TBC1D15: variants seen among roughly 807,000 people sequenced by gnomAD.
TBC1D15 encodes the protein TBC1 domain family member 15, also known as GAP for RAB7.
In TBC1D15, 39 loss-of-function variants were observed where a neutral mutation model predicts 95.4. The ratio of observed to expected loss-of-function variants is 0.41; its 90% CI spans 0.32 to 0.53. The LOEUF is 0.53. TBC1D15 is among the 20% of genes least tolerant of loss of function. TBC1D15 has a pLI of 0.29. For missense variants in TBC1D15, 733 were observed against 794.3 expected, an observed-to-expected ratio of 0.92 and a Z score of 0.93; for synonymous variants, 258 against 261.3, an observed-to-expected ratio of 0.99 and a Z score of 0.12.
intron 13 of TBC1D15, 134 bp downstream of exon 13, chr12:71,917,931 G>A (rs1904092110): frequency 1.8e-6 from 1 of 563,506 alleles, no homozygotes; most frequent in Non-Finnish European, 3.1e-6. Flanking sequence ...GCCAAGGAGG[G>A]AGGATTACTT....
Position 71,863,290 on chromosome 12 carries a change from AT to A in TBC1D15, c.31-8779del, listed in dbSNP as rs1890775593. ...CTACTCAGGAGGCTGAGGCAGGAGA[AT>A]GGCATGAACCTGGGGGACGGAGCTT... On this transcript the variant is annotated intron_variant, in intron 1 of 16. Coordinates refer to ENST00000485960, the MANE Select transcript of TBC1D15 (RefSeq NM_001146213.3). Among the ~76,000 whole-genome samples, 4 of 152,230 alleles carry A rather than the reference AT, an allele frequency of 2.6e-5. No homozygotes were observed. In the South Asian group the frequency reaches 8.3e-4, roughly 32 times the overall value.
At chr12:71,845,519 T>C (rs1354788449) in intron 1 of TBC1D15, among the ~76,000 whole-genome samples, 1 of 152,166 alleles carries the variant, frequency 6.6e-6, no homozygotes, top group East Asian at 1.9e-4. Context: ...CAGGTTTAGA[T>C]AGAACACATG....
intron 1 of TBC1D15, among the ~76,000 whole-genome samples, chr12:71,869,777 A>G (rs1027823040): frequency 2.0e-5 from 3 of 152,122 alleles, no homozygotes; most frequent in African/African-American, 7.2e-5. Context: ...AGGTATGAGC[A>G]TCTGGTTCAC....
In TBC1D15 at chr12:71,923,213, C is replaced by T; in HGVS notation, c.*9C>T. 6.2e-7 allele frequency: 1 copy of T among 1,610,678 alleles called. No individual in the cohort carries two copies. The highest frequency in any genetic ancestry group is 8.5e-7 in the Non-Finnish European group (1 of 1,177,582). On this transcript the variant is annotated 3_prime_UTR_variant, in exon 17 of 17. Coordinates refer to ENST00000485960, the MANE Select transcript of TBC1D15 (RefSeq NM_001146213.3). ...GATTAACACCTGCATGATCACTGTT[C>T]TTGCTTTTTTGGGAAGAGACACTTT... is the stretch of plus-strand genomic sequence containing the variant.
intron 10 of TBC1D15, among the ~76,000 whole-genome samples, chr12:71,899,884 A>T (rs536584851): frequency 3.9e-5 from 6 of 152,032 alleles, no homozygotes; most frequent in Non-Finnish European, 4.4e-5. Context: ...ACTTGAGCCT[A>T]TGGGGTTGAG....
chr12:71,839,915 C>T (rs1592670620), intron 1 of TBC1D15, 104 bp downstream of exon 1: 4 of 1,431,160 alleles, frequency 2.8e-6, no homozygotes, highest in South Asian at 2.4e-5. Flanking sequence ...TTTCTGTGTC[C>T]GGACAACCCG....
intron 3 of TBC1D15, among the ~76,000 whole-genome samples, chr12:71,880,234 C>T (rs1333839109): frequency 6.7e-6 from 1 of 150,356 alleles, no homozygotes; most frequent in Non-Finnish European, 1.5e-5. Context: ...GAGTTGACTT[C>T]TGCTTATATT....
At chr12:71,875,100 G>A (rs1372093939) in intron 3 of TBC1D15, among the ~76,000 whole-genome samples, 1 of 151,630 alleles carries the variant, frequency 6.6e-6, no homozygotes, top group African/African-American at 2.4e-5. Context: ...CACCATGCCC[G>A]GCTAATTTTT....
At chr12:71,843,231 C>T (rs1374192972) in intron 1 of TBC1D15, among the ~76,000 whole-genome samples, 3 of 152,200 alleles carry the variant, frequency 2.0e-5, no homozygotes. Flanking sequence ...GATTGTGCCA[C>T]TTGTTCAGAC....
At chr12:71,861,527 T>C (rs1890361018) in intron 1 of TBC1D15, 2 of 1,495,114 alleles carry the variant, frequency 1.3e-6, no homozygotes. Context: ...TCCTTTGTAT[T>C]TCTGTGGTAT....
intron 9 of TBC1D15, 66 bp from the exon 10 acceptor site, chr12:71,897,781 C>G: frequency 1.7e-6 from 2 of 1,199,996 alleles, no homozygotes; most frequent in Admixed American, 3.6e-5. Flanking sequence ...TAGAAAAACC[C>G]AATTAAACAG....
chr12:71,854,856 A>T (rs972678040), intron 1 of TBC1D15: 3 of 456,266 alleles, frequency 6.6e-6, no homozygotes, highest in Non-Finnish European at 8.8e-6. Context: ...TTCTCAAGGT[A>T]TATTTTTTCA....
At chr12:71,910,227 G>A (rs1434439849) in intron 11 of TBC1D15, among the ~76,000 whole-genome samples, 2 of 151,888 alleles carry the variant, frequency 1.3e-5, no homozygotes, top group Non-Finnish European at 2.9e-5. Flanking sequence ...CTATATCTCT[G>A]TTTTGGTACC....
chr12:71,902,822 A>G (rs533146433), intron 10 of TBC1D15, among the ~76,000 whole-genome samples: 1 of 152,360 alleles, frequency 6.6e-6, no homozygotes, highest in African/African-American at 2.4e-5. Flanking sequence ...TTTGCAAAGT[A>G]TGCATCCTTC....
chr12:71,895,863 A>G, intron 7 of TBC1D15, 84 bp from the exon 8 acceptor site: 3 of 1,311,918 alleles, frequency 2.3e-6, no homozygotes, highest in Non-Finnish European at 3.1e-6. Flanking sequence ...TCTGAAAAAC[A>G]GTATTTTAAA....
chr12:71,911,728 C>T (rs558149148), intron 11 of TBC1D15, among the ~76,000 whole-genome samples: 1 of 151,720 alleles, frequency 6.6e-6, no homozygotes, highest in South Asian at 2.1e-4. Flanking sequence ...ACATATGTAA[C>T]TAACCTGCAC....
intron 15 of TBC1D15, 78 bp downstream of exon 15, chr12:71,920,925 G>A (rs1340768962): frequency 8.0e-6 from 8 of 996,902 alleles, no homozygotes; most frequent in Non-Finnish European, 1.2e-5. Flanking sequence ...CGTTTCCTTG[G>A]AACATTATTA....
intron 1 of TBC1D15, among the ~76,000 whole-genome samples, chr12:71,867,155 C>T (rs1456715570): frequency 1.3e-5 from 2 of 152,176 alleles, no homozygotes; most frequent in African/African-American, 4.8e-5. Context: ...AATGCTCCTG[C>T]ATTGGTTTAT....
At chr12:71,857,831 T>C (rs1221119822) in intron 1 of TBC1D15, among the ~76,000 whole-genome samples, 1 of 152,218 alleles carries the variant, frequency 6.6e-6, no homozygotes, top group Non-Finnish European at 1.5e-5. Context: ...TAACCAACCT[T>C]TGTCTATTCC....
Sources: allele counts gnomAD v4.1 joint callset (sites outside exome capture counted in the v4.1 genomes callset), GRCh38; gene constraint gnomAD v4.1.1; transcripts MANE v1.5; gene names NCBI Gene and HGNC (gene_info 2026-07-23, HGNC 2026-07-21).